The following MNAT1 variants were observed in gnomAD, a reference collection of about 807,000 sequenced individuals.
The protein encoded by MNAT1 is CDK-activating kinase assembly factor MAT1.
MNAT1 carries 43 observed loss-of-function variants against 42.0 expected under a neutral mutation model. The ratio of observed to expected loss-of-function variants is 1.02; its 90% CI spans 0.80 to 1.32. The LOEUF is 1.32. MNAT1 is among the 40% of genes most tolerant of loss of function. MNAT1 has a pLI of 0.00. For missense variants in MNAT1, 306 were observed against 350.4 expected (o/e 0.87, Z 1.01); for synonymous variants, 118 against 120.0 (o/e 0.98, Z 0.11).
intron 7 of MNAT1, among the ~76,000 whole-genome samples, chr14:60,913,199 G>T (rs1361260786): frequency 1.1e-4 from 17 of 151,982 alleles, no homozygotes; most frequent in Non-Finnish European, 2.5e-4. Context: ...GGACTTCTCT[G>T]CATTGGTTAT....
intron 7 of MNAT1, among the ~76,000 whole-genome samples, chr14:60,895,880 C>G (rs1012690113): frequency 7.9e-5 from 12 of 152,120 alleles, no homozygotes; most frequent in Non-Finnish European, 1.3e-4. Flanking sequence ...TTTGTAGCTA[C>G]ACCTTATTTG....
chr14:60,797,654 G>A (rs1484880152), intron 2 of MNAT1, among the ~76,000 whole-genome samples: 1 of 152,156 alleles, frequency 6.6e-6, no homozygotes, highest in Admixed American at 6.5e-5. Flanking sequence ...TAGGCTGGGC[G>A]CGGTGGCTCA....
intron 6 of MNAT1, among the ~76,000 whole-genome samples, chr14:60,854,323 C>T (rs1188696274): frequency 6.6e-6 from 1 of 152,148 alleles, no homozygotes; most frequent in Non-Finnish European, 1.5e-5. Context: ...TCTCATTCTC[C>T]ATCCAGTTTT....
intron 7 of MNAT1, among the ~76,000 whole-genome samples, chr14:60,929,697 C>T (rs1340797097): frequency 6.6e-6 from 1 of 152,110 alleles, no homozygotes; most frequent in Non-Finnish European, 1.5e-5. Context: ...ACACATTTAG[C>T]TGTGAGCCTA....
chr14:60,836,597 TC>T (rs2033395343), intron 6 of MNAT1, among the ~76,000 whole-genome samples: 2 of 152,232 alleles, frequency 1.3e-5, no homozygotes, highest in African/African-American at 4.8e-5. Context: ...TGCCGGCTCT[TC>T]CTTCCTTTGG....
At chr14:60,837,590 C>T (rs1358286502) in intron 6 of MNAT1, among the ~76,000 whole-genome samples, 1 of 152,190 alleles carries the variant, frequency 6.6e-6, no homozygotes, top group Non-Finnish European at 1.5e-5. Flanking sequence ...CCAGGTACCT[C>T]AGTTGGAAAT....
In MNAT1 at chr14:60,909,110, A is replaced by G. The variant is rs764539729; in HGVS notation, c.809+29275A>G. Among the ~76,000 whole-genome samples, 121 of 152,358 alleles carry G rather than the reference A, an allele frequency of 7.9e-4. 2 individuals carry two copies. The highest frequency in any genetic ancestry group is 1.5e-3 in the Non-Finnish European group (103 of 68,042). On this transcript the variant is annotated intron_variant, in intron 7 of 7. Coordinates refer to ENST00000261245, the MANE Select transcript of MNAT1 (RefSeq NM_002431.4). ...ATTTTTTCATGTGTCTGTTGGCTGC[A>G]TAAATCTCTTCTTTTGAGAAGTGTG...
At chr14:60,819,601 C>T (rs1433974350) in intron 6 of MNAT1, among the ~76,000 whole-genome samples, 1 of 152,044 alleles carries the variant, frequency 6.6e-6, no homozygotes, top group Non-Finnish European at 1.5e-5. Context: ...TTGGTTATTA[C>T]ATATTGTATG....
At chr14:60,912,550 A>T (rs951489927) in intron 7 of MNAT1, among the ~76,000 whole-genome samples, 1 of 152,040 alleles carries the variant, frequency 6.6e-6, no homozygotes, top group Non-Finnish European at 1.5e-5. Context: ...TTGCTTGTCT[A>T]TAAAGGATTT....
chr14:60,770,028 A>G (rs1277234038), intron 1 of MNAT1, among the ~76,000 whole-genome samples: 2 of 152,158 alleles, frequency 1.3e-5, no homozygotes, highest in Non-Finnish European at 2.9e-5. Flanking sequence ...TTGTTGTGCA[A>G]TGAATCTCTA....
At chr14:60,879,985 T>G (rs1030098990) in intron 7 of MNAT1, 150 bp downstream of exon 7, 6 of 693,698 alleles carry the variant, frequency 8.6e-6, no homozygotes, top group Non-Finnish European at 1.3e-5. Flanking sequence ...AATTGTTTTA[T>G]TTAGTACATT....
intron 6 of MNAT1, among the ~76,000 whole-genome samples, chr14:60,822,914 A>G (rs2032940264): frequency 6.6e-6 from 1 of 151,770 alleles, no homozygotes; most frequent in African/African-American, 2.4e-5. Flanking sequence ...GTGCCACCAC[A>G]CCCGGCTATT....
rs545322292 is a variant in MNAT1, at chr14:60,842,366, G to A, written c.687+23519G>A. 8.5e-4 allele frequency among the ~76,000 whole-genome samples: 129 copies of A among 152,050 alleles called. No homozygotes were observed. The South Asian group carries it at 0.021, about 24-fold the overall frequency. On this transcript the variant is annotated intron_variant, in intron 6 of 7. Transcript: ENST00000261245. The stretch of plus-strand genomic sequence containing the variant: ...CTGGGATCCCTGAAGTCTGATTTTC[G>A]TCTCCTTGATTCCTAGGCTCTGTTT...
At chr14:60,758,629 C>CA (rs1239548190) in intron 1 of MNAT1, among the ~76,000 whole-genome samples, 44 of 151,654 alleles carry the variant, frequency 2.9e-4, no homozygotes, top group Admixed American at 5.2e-4. Context: ...GAAAACAAAA[C>CA]AAAAAATAGT....
chr14:60,939,024 G>T (rs1419457735), intron 7 of MNAT1, among the ~76,000 whole-genome samples: 4 of 152,172 alleles, frequency 2.6e-5, no homozygotes, highest in African/African-American at 9.7e-5. Context: ...TTGCATAGAG[G>T]TGTTTATAGT....
At chr14:60,854,733 G>T (rs1259765885) in intron 6 of MNAT1, among the ~76,000 whole-genome samples, 1 of 152,220 alleles carries the variant, frequency 6.6e-6, no homozygotes, top group Non-Finnish European at 1.5e-5. Context: ...TGACGTGTCT[G>T]TTGACCTCTG....
At chr14:60,757,012 C>T (rs904643477) in intron 1 of MNAT1, among the ~76,000 whole-genome samples, 1 of 152,146 alleles carries the variant, frequency 6.6e-6, no homozygotes, top group Admixed American at 6.5e-5. Context: ...ATGTCATCAG[C>T]TGTGAGTTCC....
intron 6 of MNAT1, among the ~76,000 whole-genome samples, chr14:60,875,456 A>G (rs930205942): frequency 6.6e-6 from 1 of 152,112 alleles, no homozygotes; most frequent in African/African-American, 2.4e-5. Context: ...TCAAACTGCC[A>G]TTAACTACAG....
chr14:60,876,588 G>T (rs547096059), intron 6 of MNAT1, among the ~76,000 whole-genome samples: 1 of 151,926 alleles, frequency 6.6e-6, no homozygotes, highest in Non-Finnish European at 1.5e-5. Flanking sequence ...TCTTTCCCAT[G>T]TTCCTAGTCT....
Sources: gnomAD v4.1 joint callset for allele counts (sites outside exome capture counted in the v4.1 genomes callset) on GRCh38, gnomAD v4.1.1 for gene constraint, MANE v1.5 for transcripts, NCBI Gene and HGNC (gene_info 2026-07-23, HGNC 2026-07-21) for gene names.